The following HS2ST1 variants were observed in gnomAD, a reference collection of about 807,000 sequenced individuals.
HS2ST1 encodes 2-O-sulfotransferase.
In HS2ST1, 18 loss-of-function variants were observed where a neutral mutation model predicts 42.9. That is an observed-to-expected ratio of 0.42 (90% CI 0.29 to 0.62). The LOEUF is 0.62. HS2ST1 is among the 20% of genes least tolerant of loss of function. HS2ST1 has a pLI of 0.21. For synonymous variants in HS2ST1, 146 were observed against 152.9 expected (o/e 0.95, Z 0.33); for missense variants, 334 against 433.8 (o/e 0.77, Z 2.04).
chr1:86,928,192 T>C (rs1660461657), intron 1 of HS2ST1, among the ~76,000 whole-genome samples: 1 of 152,186 alleles, frequency 6.6e-6, no homozygotes, highest in Non-Finnish European at 1.5e-5. Context: ...GCTATCTGCG[T>C]CTTTCAGTTT....
chr1:86,995,084 A>G (rs1022668628), intron 1 of HS2ST1, among the ~76,000 whole-genome samples: 1 of 152,064 alleles, frequency 6.6e-6, no homozygotes, highest in African/African-American at 2.4e-5. Context: ...TCCCACCTCT[A>G]CTGTTTTGTC....
intron 1 of HS2ST1, among the ~76,000 whole-genome samples, chr1:87,023,465 T>TTA (rs1557519050): frequency 2.7e-5 from 4 of 146,540 alleles, no homozygotes; most frequent in African/African-American, 1.0e-4. Flanking sequence ...CAAGATATGT[T>TTA]AAAAAAAAAA....
intron 1 of HS2ST1, among the ~76,000 whole-genome samples, chr1:87,068,848 T>A (rs1171381893): frequency 6.6e-6 from 1 of 152,234 alleles, no homozygotes; most frequent in African/African-American, 2.4e-5. Flanking sequence ...ATGTATTTTT[T>A]ATTTTTTTAT....
intron 1 of HS2ST1, among the ~76,000 whole-genome samples, chr1:87,014,443 A>G (rs1649691408): frequency 6.6e-6 from 1 of 152,234 alleles, no homozygotes; most frequent in African/African-American, 2.4e-5. Flanking sequence ...GTTCCCTCCC[A>G]TGACACATGG....
At chr1:86,930,575 A>G (rs992291382) in intron 1 of HS2ST1, among the ~76,000 whole-genome samples, 4 of 151,974 alleles carry the variant, frequency 2.6e-5, no homozygotes, top group Admixed American at 6.6e-5. Flanking sequence ...AGATTATTAA[A>G]GGACCTTACC....
intron 1 of HS2ST1, among the ~76,000 whole-genome samples, chr1:86,985,518 A>G (rs1221655940): frequency 1.8e-5 from 1 of 55,686 alleles, no homozygotes; most frequent in East Asian, 1.4e-3. Context: ...ACATATATAT[A>G]CACATATATA....
At chr1:87,068,742 T>C (rs1385440304) in intron 1 of HS2ST1, among the ~76,000 whole-genome samples, 1 of 152,244 alleles carries the variant, frequency 6.6e-6, no homozygotes, top group Non-Finnish European at 1.5e-5. Flanking sequence ...TATTGTATAT[T>C]GCATGCTGTA....
rs112295708 is a variant in HS2ST1, at chr1:86,968,696, C to T, written c.124+53536C>T. 2.1e-3 allele frequency among the ~76,000 whole-genome samples: 326 copies of T among 152,258 alleles called. 1 individual carries two copies. Among genetic ancestry groups the T allele is most frequent in the African/African-American group, 7.2e-3 (298 of 41,556 alleles). On this transcript the variant is annotated intron_variant, in intron 1 of 6. Coordinates refer to ENST00000370550, the MANE Select transcript of HS2ST1 (RefSeq NM_012262.4). ...GGTGGATTACAGGCATGAGCCAGCA[C>T]ACCCAGCCTCCAGTCCTCATAAGTG...
Position 87,103,454 on chromosome 1 carries a change from A to G in HS2ST1, c.709A>G (p.Met237Val), listed in dbSNP as rs753497640. Residue 237 changes from methionine (M) to valine (V), a missense_variant, in exon 6 of 7, where the codon ATG becomes GTG. Physicochemically the swap from Met to Val is conservative, Grantham distance 21. Coordinates refer to ENST00000370550, the MANE Select transcript of HS2ST1 (RefSeq NM_012262.4). Reference sequence around the variant, plus strand: ...CAGGAATGTGGGAAGCAGGTGGGCTATGGATCAAGCCAAGTATAACCTAAT... The same window carrying G: ...CAGGAATGTGGGAAGCAGGTGGGCTGTGGATCAAGCCAAGTATAACCTAAT... ...ECWNVGSRWA[M>V]DQAKYNLINE... 4 of 1,605,704 alleles carry G rather than the reference A, an allele frequency of 2.5e-6. No homozygotes were observed. The highest frequency in any genetic ancestry group is 4.5e-5 in the East Asian group (2 of 44,810).
At chr1:87,034,983 C>G (rs1475600824) in intron 1 of HS2ST1, among the ~76,000 whole-genome samples, 3 of 152,024 alleles carry the variant, frequency 2.0e-5, no homozygotes. Flanking sequence ...AATCAGAGTC[C>G]TAAAGAAATG....
intron 1 of HS2ST1, among the ~76,000 whole-genome samples, chr1:86,986,766 C>A (rs1648796473): frequency 1.3e-5 from 2 of 152,242 alleles, no homozygotes; most frequent in South Asian, 4.2e-4. Context: ...TCTAGAGATT[C>A]CAGAATGAAA....
chr1:86,991,760 C>T (rs925979842), intron 1 of HS2ST1, among the ~76,000 whole-genome samples: 1 of 152,128 alleles, frequency 6.6e-6, no homozygotes, highest in Non-Finnish European at 1.5e-5. Context: ...CACAGAGTTG[C>T]TGTGTGGATT....
chr1:87,004,252 A>C (rs958893991), intron 1 of HS2ST1, among the ~76,000 whole-genome samples: 1 of 152,014 alleles, frequency 6.6e-6, no homozygotes, highest in Admixed American at 6.6e-5. Flanking sequence ...TTAGGTGGGC[A>C]TGGTGGCAGG....
intron 3 of HS2ST1, among the ~76,000 whole-genome samples, chr1:87,089,989 T>C (rs1167680914): frequency 1.3e-5 from 2 of 151,994 alleles, no homozygotes; most frequent in Non-Finnish European, 2.9e-5. Context: ...CAGTGGCTAA[T>C]AATGGAGAGG....
chr1:86,927,834 C>G (rs1198828265), intron 1 of HS2ST1, among the ~76,000 whole-genome samples: 1 of 152,118 alleles, frequency 6.6e-6, no homozygotes, highest in Non-Finnish European at 1.5e-5. Context: ...TGATAAGCTT[C>G]TGCTATGTAG....
chr1:86,933,079 A>G (rs1389671779), intron 1 of HS2ST1, among the ~76,000 whole-genome samples: 2 of 152,156 alleles, frequency 1.3e-5, no homozygotes, highest in Admixed American at 6.5e-5. Context: ...TTTTTCACAT[A>G]CTAATAAAAC....
At chr1:86,998,509 T>C (rs894343814) in intron 1 of HS2ST1, among the ~76,000 whole-genome samples, 2 of 152,214 alleles carry the variant, frequency 1.3e-5, no homozygotes, top group South Asian at 2.1e-4. Context: ...CTAGTTTTCT[T>C]ACAGTTCACA....
At chr1:87,065,521 A>G (rs1651227135) in intron 1 of HS2ST1, among the ~76,000 whole-genome samples, 1 of 152,138 alleles carries the variant, frequency 6.6e-6, no homozygotes, top group East Asian at 1.9e-4. Context: ...ATCAGGCCTC[A>G]TTGTCCTAGG....
At chr1:87,075,867 C>T (rs1203995629) in intron 2 of HS2ST1, among the ~76,000 whole-genome samples, 1 of 152,028 alleles carries the variant, frequency 6.6e-6, no homozygotes, top group East Asian at 1.9e-4. Flanking sequence ...AAATAGTTGT[C>T]AACTCTGCTT....
Sources: gnomAD v4.1 joint callset for allele counts (sites outside exome capture counted in the v4.1 genomes callset) on GRCh38, gnomAD v4.1.1 for gene constraint, MANE v1.5 for transcripts, NCBI Gene and HGNC (gene_info 2026-07-23, HGNC 2026-07-21) for gene names.